GADL1: variants seen among roughly 807,000 people sequenced by gnomAD.
The protein encoded by GADL1 is GAD like acidic amino acid decarboxylase 1.
In GADL1, 71 loss-of-function variants were observed where a neutral mutation model predicts 69.5. The observed-to-expected ratio is 1.02, with a 90% CI of 0.84 to 1.25. The LOEUF (loss-of-function observed/expected upper bound fraction) is 1.25. Among genes scored for constraint, GADL1 ranks in the 50% most tolerant of loss-of-function variants. The probability of loss-of-function intolerance (pLI) is 0.00; values close to 1 mark genes in which losing one functional copy is unlikely to be tolerated. For synonymous variants in GADL1, 254 were observed against 214.4 expected (o/e 1.18, Z -1.62); for missense variants, 737 against 631.8 (o/e 1.17, Z -1.79).
At chr3:30,793,497 A>G (rs1484686791) in intron 12 of GADL1, among the ~76,000 whole-genome samples, 1 of 152,194 alleles carries the variant, frequency 6.6e-6, no homozygotes, top group Non-Finnish European at 1.5e-5. Flanking sequence ...GTGGACTCGA[A>G]AAGCAGTAAT....
chr3:30,861,282 A>ACT (rs1698316897), intron 2 of GADL1, among the ~76,000 whole-genome samples: 1 of 151,702 alleles, frequency 6.6e-6, no homozygotes. Flanking sequence ...TTAGCAGGTT[A>ACT]CTTATCTATG....
chr3:30,893,973 C>T (rs1436734237), intron 1 of GADL1, among the ~76,000 whole-genome samples: 1 of 152,196 alleles, frequency 6.6e-6, no homozygotes, highest in Non-Finnish European at 1.5e-5. Context: ...TAATGATAAC[C>T]TTTCAAAGAA....
At chr3:30,831,049 A>G (rs1446635905) in intron 11 of GADL1, among the ~76,000 whole-genome samples, 1 of 151,764 alleles carries the variant, frequency 6.6e-6, no homozygotes, top group Non-Finnish European at 1.5e-5. Context: ...CTTGCCATCA[A>G]CTCTGGCATA....
intron 12 of GADL1, among the ~76,000 whole-genome samples, chr3:30,792,918 A>C (rs1696952958): frequency 6.6e-6 from 1 of 152,202 alleles, no homozygotes; most frequent in African/African-American, 2.4e-5. Flanking sequence ...CCCAGATTGA[A>C]CATTGCTACG....
intron 11 of GADL1, among the ~76,000 whole-genome samples, chr3:30,828,540 AG>A (rs959852495): frequency 2.0e-5 from 3 of 151,804 alleles, no homozygotes; most frequent in African/African-American, 7.2e-5. Flanking sequence ...ATGAAAGGAA[AG>A]GAAAAGCATT....
At chr3:30,813,346 C>G (rs1016656641) in intron 11 of GADL1, among the ~76,000 whole-genome samples, 2 of 148,350 alleles carry the variant, frequency 1.3e-5, no homozygotes, top group Non-Finnish European at 2.9e-5. Flanking sequence ...TTTCTTCAGT[C>G]TAGATGGATT....
At chr3:30,839,615 G>C (rs549100636) in intron 8 of GADL1, among the ~76,000 whole-genome samples, 6 of 151,038 alleles carry the variant, frequency 4.0e-5, no homozygotes, top group African/African-American at 1.5e-4. Context: ...AACAAAGAAT[G>C]TAGAATATTC....
intron 6 of GADL1, among the ~76,000 whole-genome samples, chr3:30,846,927 C>T (rs1307623403): frequency 6.6e-6 from 1 of 152,172 alleles, no homozygotes; most frequent in African/African-American, 2.4e-5. Flanking sequence ...ACTCACTTGC[C>T]TCTCCTGGCC....
intron 14 of GADL1, among the ~76,000 whole-genome samples, chr3:30,772,488 A>G (rs1223818705): frequency 5.3e-5 from 8 of 152,198 alleles, no homozygotes; most frequent in Non-Finnish European, 1.5e-5. Flanking sequence ...TTTGCATTCT[A>G]TCCTCAACTT....
In GADL1 at chr3:30,863,710, C is replaced by CAAAA. The variant is rs5847670; in HGVS notation, c.38-1949_38-1946dup. Among the ~76,000 whole-genome samples the CAAAA allele has an allele frequency of 7.0e-4, 106 of 150,670 alleles. 1 individual carries two copies. The highest frequency in any genetic ancestry group is 2.4e-3 in the African/African-American group (97 of 41,150). On this transcript the variant is annotated intron_variant, in intron 1 of 14. Coordinates refer to ENST00000282538, the MANE Select transcript of GADL1 (RefSeq NM_207359.3). ...CCATCTTAAATATTCCAATGGTCTA[C>CAAAA]AAAAAAAAACCCTTCTAAATATATG...
At position 30,894,088 on chromosome 3, in the gene GADL1, G is replaced by T. The variant is rs1030784638; in HGVS notation, c.37+490C>A. Among the ~76,000 whole-genome samples the T allele has an allele frequency of 5.3e-5, 8 of 152,304 alleles. No individual in the cohort carries two copies. The East Asian group carries it at 1.2e-3, about 22-fold the overall frequency. ...CGATCTTTAAACAACTAAGGTCCCCGTTCTCAATCTGCAGCTCTGAACCAA... is the reference window on the plus strand; with the variant it reads ...CGATCTTTAAACAACTAAGGTCCCCTTTCTCAATCTGCAGCTCTGAACCAA... On this transcript the variant is annotated intron_variant, in intron 1 of 14. Coordinates refer to ENST00000282538, the MANE Select transcript of GADL1 (RefSeq NM_207359.3).
chr3:30,866,502 T>C (rs1222995746), intron 1 of GADL1, among the ~76,000 whole-genome samples: 1 of 151,960 alleles, frequency 6.6e-6, no homozygotes, highest in Non-Finnish European at 1.5e-5. Flanking sequence ...AAAGGAAACT[T>C]GCATGTGATG....
intron 13 of GADL1, among the ~76,000 whole-genome samples, chr3:30,780,028 C>T (rs1214610440): frequency 6.6e-6 from 1 of 152,176 alleles, no homozygotes; most frequent in Non-Finnish European, 1.5e-5. Context: ...CCAGTAGCTT[C>T]CCCCAGTACA....
chr3:30,822,728 T>TC (rs1697607422), intron 11 of GADL1, among the ~76,000 whole-genome samples: 1 of 152,070 alleles, frequency 6.6e-6, no homozygotes, highest in Non-Finnish European at 1.5e-5. Flanking sequence ...AACTGATATG[T>TC]CACCTCTGCT....
intron 14 of GADL1, among the ~76,000 whole-genome samples, chr3:30,747,245 A>G (rs1392914905): frequency 6.6e-6 from 1 of 152,204 alleles, no homozygotes; most frequent in East Asian, 1.9e-4. Context: ...GTTACCTCCC[A>G]GGGATTTAGC....
At chr3:30,767,974 TAATA>T (rs1038118557) in intron 14 of GADL1, among the ~76,000 whole-genome samples, 3 of 146,632 alleles carry the variant, frequency 2.0e-5, no homozygotes, top group Non-Finnish European at 4.4e-5. Context: ...TACCAACAAT[TAATA>T]AATATGTGCA....
rs747346554 is a variant in GADL1 at position 30,839,061 on chromosome 3, G to T, written c.839C>A (p.Ala280Asp). The T allele has an allele frequency of 6.2e-7, 1 of 1,607,748 alleles. No homozygotes were observed. The highest frequency in any genetic ancestry group is 8.5e-7 in the Non-Finnish European group (1 of 1,177,576). The change falls in exon 9 of 15, where the codon GCT (alanine) becomes GAT (aspartate). Residue 280 changes from alanine (A) to aspartate (D), a missense_variant. By Grantham distance (126) the Ala-to-Asp change is moderately radical. Coordinates refer to ENST00000282538, the MANE Select transcript of GADL1 (RefSeq NM_207359.3). The stretch of plus-strand genomic sequence containing the variant: ...TGCTATTTCATCCAGAGGGTCAAAA[G>T]CTCCCAACACAGTTGTACCAGAAGT... Reference protein sequence around the residue: ...CATSGTTVLGAFDPLDEIADI... With the variant: ...CATSGTTVLGDFDPLDEIADI...
intron 13 of GADL1, among the ~76,000 whole-genome samples, chr3:30,785,686 T>C (rs779265384): frequency 3.7e-4 from 57 of 152,358 alleles, no homozygotes; most frequent in African/African-American, 1.3e-3. Context: ...CTACATTTCT[T>C]ATGTATAGCA....
Position 30,767,187 on chromosome 3 carries a change from G to A in GADL1, c.1392+10992C>T, listed in dbSNP as rs565765533. On this transcript the variant is annotated intron_variant, in intron 14 of 14. Coordinates refer to ENST00000282538, the MANE Select transcript of GADL1 (RefSeq NM_207359.3). ...GTTTCAGTAACTTGTTCATGGTCATGCAGCCAGTGAGTGGCAGAGGCATTA... is the reference window on the plus strand; with the variant it reads ...GTTTCAGTAACTTGTTCATGGTCATACAGCCAGTGAGTGGCAGAGGCATTA... Among the ~76,000 whole-genome samples, 3 of 152,256 alleles carry A rather than the reference G, an allele frequency of 2.0e-5. No individual in the cohort carries two copies. In the South Asian group the frequency reaches 6.2e-4, roughly 32 times the overall value.
Sources: gnomAD v4.1 joint callset for allele counts (sites outside exome capture counted in the v4.1 genomes callset) on GRCh38, gnomAD v4.1.1 for gene constraint, MANE v1.5 for transcripts, NCBI Gene and HGNC (gene_info 2026-07-23, HGNC 2026-07-21) for gene names.